Variants in CENPV observed in about 807,000 individuals in gnomAD.
CENPV encodes the protein centromere protein V.
Under a neutral mutation model 26.4 loss-of-function variants are expected in CENPV, and 15 were observed. That is an observed-to-expected ratio of 0.57 (90% CI 0.38 to 0.88). The LOEUF (loss-of-function observed/expected upper bound fraction) is 0.88, where lower values mean the gene tolerates loss of function less well. CENPV is among the 40% of genes least tolerant of loss of function. The pLI is 0.00. For missense variants in CENPV, 336 were observed against 376.5 expected (o/e 0.89, Z 0.89); for synonymous variants, 172 against 165.5 (o/e 1.04, Z -0.30).
chr17:16,345,826 A>C (rs1260734582), intron 3 of CENPV, among the ~76,000 whole-genome samples: 1 of 152,162 alleles, frequency 6.6e-6, no homozygotes, highest in African/African-American at 2.4e-5. Context: ...CTGGCTCTCC[A>C]TGTCCCCAAA....
Position 16,353,397 on chromosome 17 carries a change from C to T in CENPV, c.40G>A (p.Gly14Arg). 2 of 988,372 alleles carry T rather than the reference C, an allele frequency of 2.0e-6. No homozygotes were observed. The highest frequency in any genetic ancestry group is 5.2e-5 in the South Asian group (1 of 19,372). 61.2% of individuals were successfully genotyped at this position (988,372 alleles called of 1,614,324 possible). Residue 14 changes from glycine to arginine, a missense_variant, in exon 1 of 5, where the codon GGG (glycine) becomes AGG (arginine). Coordinates refer to ENST00000299736, the MANE Select transcript of CENPV (RefSeq NM_181716.3). ...GCGGAGGCCCCGGACCGCTTCTGCC[C>T]GCGCAGCTTGGCGGCCGCAGAGCTC... ...SRSSAAAKLR[G>R]QKRSGASAAP...
At chr17:16,350,254 A>T (rs1011482584) in intron 1 of CENPV, among the ~76,000 whole-genome samples, 1 of 152,194 alleles carries the variant, frequency 6.6e-6, no homozygotes, top group African/African-American at 2.4e-5. Context: ...AAATTATATT[A>T]AGTTGCAAAA....
chr17:16,348,558 G>A (rs1215311230), intron 3 of CENPV, 58 bp downstream of exon 3: 6 of 1,606,122 alleles, frequency 3.7e-6, no homozygotes, highest in Non-Finnish European at 5.1e-6. Context: ...TGGGTGGGGG[G>A]TCCTGTAAAT....
chr17:16,349,086 C>T, intron 2 of CENPV: 1 of 992,770 alleles, frequency 1.0e-6, no homozygotes, highest in Non-Finnish European at 1.2e-6. Flanking sequence ...CCTCTTTCTT[C>T]ATCACCACGT....
At chr17:16,344,771 T>C (rs1390129807) in intron 3 of CENPV, 60 bp from the exon 4 acceptor site, 3 of 891,494 alleles carry the variant, frequency 3.4e-6, no homozygotes, top group Admixed American at 7.0e-5. Context: ...ATTTAATTTA[T>C]TTATTTATTT....
At position 16,353,332 on chromosome 17, in the gene CENPV, G is replaced by A; in HGVS notation, c.105C>T (p.Ser35=). 2.2e-6 allele frequency: 3 copies of A among 1,376,772 alleles called. No homozygotes were observed. The highest frequency in any genetic ancestry group is 2.8e-6 in the Non-Finnish European group (3 of 1,062,734). The allele number at this position is 1,376,772 out of a possible 1,614,324, so 85.3% of individuals were successfully genotyped here. The change falls in exon 1 of 5, where the codon AGC becomes AGT. Residue 35 remains serine, a synonymous_variant. Coordinates refer to ENST00000299736, the MANE Select transcript of CENPV (RefSeq NM_181716.3). ...AASAAAALAP[S]ATRTRRSASQ... Reference sequence around the variant, plus strand: ...TAGCGGAGCGCCGTGTGCGGGTGGCGCTGGGTGCCAAGGCAGCGGCCGCGG... The same window carrying A: ...TAGCGGAGCGCCGTGTGCGGGTGGCACTGGGTGCCAAGGCAGCGGCCGCGG...
intron 1 of CENPV, among the ~76,000 whole-genome samples, chr17:16,352,089 T>C (rs956535035): frequency 6.6e-6 from 1 of 152,172 alleles, no homozygotes; most frequent in Admixed American, 6.6e-5. Flanking sequence ...AAGAAGTAAT[T>C]CTCAGGTTAT....
intron 1 of CENPV, chr17:16,351,851 G>A (rs141445233): frequency 5.9e-5 from 9 of 152,252 alleles, no homozygotes; most frequent in African/African-American, 2.2e-4. Context: ...GACACCATGA[G>A]TTTTACATTC....
At chr17:16,352,466 C>T (rs1477322386) in intron 1 of CENPV, among the ~76,000 whole-genome samples, 1 of 152,012 alleles carries the variant, frequency 6.6e-6, no homozygotes, top group Non-Finnish European at 1.5e-5. Flanking sequence ...GCGCTTCTCT[C>T]CCGGATCAAT....
Position 16,349,924 on chromosome 17 carries a change from T to A in CENPV, c.509+7A>T. The A allele has an allele frequency of 1.9e-6, 3 of 1,602,766 alleles. No individual in the cohort carries two copies. The highest frequency in any genetic ancestry group is 1.3e-5 in the African/African-American group (1 of 74,258). On this transcript the variant is annotated splice_region_variant and intron_variant, in intron 2 of 4. Transcript: ENST00000299736. ...TTAAGCCAATTTAGGGAAAAAAAAA[T>A]ACTCACTTGCAGTCAAATATATGCA...
At chr17:16,343,649 C>G (rs565625915) in intron 4 of CENPV, among the ~76,000 whole-genome samples, 41 of 152,274 alleles carry the variant, frequency 2.7e-4, no homozygotes, top group African/African-American at 9.6e-4. Flanking sequence ...TCATACTTTT[C>G]AACTCTTTCC....
chr17:16,348,390 C>T (rs2093216198), intron 3 of CENPV: 2 of 1,094,054 alleles, frequency 1.8e-6, no homozygotes, highest in Admixed American at 3.3e-5. Flanking sequence ...CTCCTGACTT[C>T]AGGTGATCCA....
chr17:16,350,915 G>A (rs2093226056), intron 1 of CENPV: 1 of 151,864 alleles, frequency 6.6e-6, no homozygotes, highest in African/African-American at 2.4e-5. Context: ...GTTTTACATA[G>A]TTGTAATACA....
rs1459672967 is a variant in CENPV, at chr17:16,353,428, T to A, written c.9A>T (p.Arg3=). The change falls in exon 1 of 5, where the codon CGA becomes CGT. Residue 3 remains arginine (R), a synonymous_variant. Coordinates refer to ENST00000299736, the MANE Select transcript of CENPV (RefSeq NM_181716.3). ...GCTTGGCGGCCGCAGAGCTCCTCGATCGCCGCATGGCTCCCGCAGCCTGGC... is the reference window on the plus strand; with the variant it reads ...GCTTGGCGGCCGCAGAGCTCCTCGAACGCCGCATGGCTCCCGCAGCCTGGC... MR[R]SRSSAAAKLR... is the part of the protein sequence containing the mutation. The A allele has an allele frequency of 6.0e-6, 7 of 1,157,894 alleles. No individual in the cohort carries two copies. The South Asian group carries it at 2.1e-4, about 34-fold the overall frequency. The allele number at this position is 1,157,894 out of a possible 1,614,324, so 71.7% of individuals were successfully genotyped here. A position where few individuals can be genotyped will look rare whatever the true frequency, so the allele number is the denominator to read the frequency against.
intron 3 of CENPV, among the ~76,000 whole-genome samples, chr17:16,346,723 C>T (rs2093208109): frequency 6.6e-6 from 1 of 151,782 alleles, no homozygotes; most frequent in Admixed American, 6.6e-5. Flanking sequence ...TGCACTCCAG[C>T]CTGGGCAACA....
chr17:16,344,805 C>G, intron 3 of CENPV, 94 bp from the exon 4 acceptor site: 1 of 676,970 alleles, frequency 1.5e-6, no homozygotes, highest in Non-Finnish European at 2.2e-6. Flanking sequence ...GAGTCTCCCA[C>G]TGTCTCTCAG....
intron 2 of CENPV, chr17:16,348,931 G>A: frequency 1.6e-6 from 2 of 1,279,632 alleles, no homozygotes; most frequent in Non-Finnish European, 2.0e-6. Flanking sequence ...CCAACAGACA[G>A]GTCTGTACTG....
Position 16,342,874 on chromosome 17 carries a change from G to A in CENPV, c.762C>T (p.Ser254=), listed in dbSNP as rs371456499. 4.9e-5 allele frequency: 79 copies of A among 1,613,884 alleles called. 1 individual carries two copies. In the South Asian group the frequency reaches 6.0e-4, roughly 12 times the overall value. ...RSMVTEEFNG[S]DWEKAMKEHK... ...GCTCTTTCATGGCCTTCTCCCAATC[G>A]CTGCCATTGAATTCCTCAGTGACCA... Residue 254 remains serine (S), a synonymous_variant, in exon 5 of 5, where the codon AGC becomes AGT. Transcript: ENST00000299736.
intron 1 of CENPV, chr17:16,351,136 T>G (rs576894590): frequency 6.6e-6 from 1 of 152,044 alleles, no homozygotes; most frequent in African/African-American, 2.4e-5. Context: ...TTCTCCATGT[T>G]GGTCAGGCAG....
Sources: gnomAD v4.1 joint callset for allele counts (sites outside exome capture counted in the v4.1 genomes callset) on GRCh38, gnomAD v4.1.1 for gene constraint, MANE v1.5 for transcripts, NCBI Gene and HGNC (gene_info 2026-07-23, HGNC 2026-07-21) for gene names.